The following RNF111 variants were observed in gnomAD, a reference collection of about 807,000 sequenced individuals.
The protein encoded by RNF111 is E3 ubiquitin-protein ligase Arkadia.
Under a neutral mutation model 95.1 loss-of-function variants are expected in RNF111, and 17 were observed. The observed-to-expected ratio is 0.18, with a 90% CI of 0.12 to 0.27. RNF111 has a LOEUF of 0.27. Among genes scored for constraint, RNF111 ranks in the 10% least tolerant of loss-of-function variants. The pLI, the probability that RNF111 is intolerant of heterozygous loss-of-function variation, is 1.00. For missense variants in RNF111, 1,189 were observed against 1,210.4 expected (o/e 0.98, Z 0.26); for synonymous variants, 440 against 414.8 (o/e 1.06, Z -0.74).
intron 1 of RNF111, among the ~76,000 whole-genome samples, chr15:59,024,348 G>A (rs1265464004): frequency 3.9e-5 from 6 of 152,104 alleles, no homozygotes. Flanking sequence ...TGCCTAGTAT[G>A]TGCGAGTCAA....
At chr15:59,051,051 A>G (rs1446094996) in intron 2 of RNF111, among the ~76,000 whole-genome samples, 1 of 152,220 alleles carries the variant, frequency 6.6e-6, no homozygotes, top group Non-Finnish European at 1.5e-5. Flanking sequence ...CAGTAATATA[A>G]AGAATATTAA....
intron 7 of RNF111, 63 bp downstream of exon 7, chr15:59,076,278 T>A: frequency 6.5e-7 from 1 of 1,542,208 alleles, no homozygotes; most frequent in Non-Finnish European, 8.8e-7. Context: ...TTGTACTTCC[T>A]TATGAAATAA....
In RNF111 at chr15:59,031,488, A is replaced by T. The variant is rs1326545179; in HGVS notation, c.666A>T (p.Ser222=). 6.2e-7 allele frequency: 1 copy of T among 1,614,172 alleles called. No individual in the cohort carries two copies. The highest frequency in any genetic ancestry group is 1.1e-5 in the South Asian group (1 of 91,080). Residue 222 remains serine (S), a synonymous_variant, in exon 2 of 14, where the codon TCA becomes TCT. Coordinates refer to ENST00000348370, the MANE Select transcript of RNF111 (RefSeq NM_017610.8). ...CRKRFVKNNS[S]QRTQKQKERI... ...AGAGATTTGTAAAAAATAATTCCTC[A>T]CAGAGGACACAGAAACAAAAAGAGA...
chr15:58,999,724 G>A (rs971102020), intron 1 of RNF111, among the ~76,000 whole-genome samples: 9 of 152,082 alleles, frequency 5.9e-5, no homozygotes, highest in African/African-American at 2.2e-4. Flanking sequence ...TTCTCACACT[G>A]CTATAAATAA....
chr15:59,071,498 C>T (rs1366689020), intron 6 of RNF111, among the ~76,000 whole-genome samples: 1 of 151,928 alleles, frequency 6.6e-6, no homozygotes, highest in Non-Finnish European at 1.5e-5. Context: ...CCCTGTGCAA[C>T]ATGGTGAAAC....
intron 7 of RNF111, among the ~76,000 whole-genome samples, chr15:59,077,589 A>C (rs2078603243): frequency 6.6e-6 from 1 of 152,212 alleles, no homozygotes; most frequent in Non-Finnish European, 1.5e-5. Flanking sequence ...TTTGCATATT[A>C]GCACATAAAA....
In RNF111 at chr15:58,994,888, AC is replaced by A. The variant is rs1349728502; in HGVS notation, c.-20+6822del. Reference sequence around the variant, plus strand: ...TTGTATTCTTTTGCGTTATCACTGCACCAGTTACAAAATTCAGAAAATTAAA... The same window carrying A: ...TTGTATTCTTTTGCGTTATCACTGCACAGTTACAAAATTCAGAAAATTAAA... On this transcript the variant is annotated intron_variant, in intron 1 of 13. Coordinates refer to ENST00000348370, the MANE Select transcript of RNF111 (RefSeq NM_017610.8). Among the ~76,000 whole-genome samples, 29 of 152,324 alleles carry A rather than the reference AC, an allele frequency of 1.9e-4. No homozygotes were observed. In the South Asian group the frequency reaches 3.5e-3, roughly 19 times the overall value.
intron 2 of RNF111, among the ~76,000 whole-genome samples, chr15:59,037,084 G>A (rs2041217534): frequency 6.6e-6 from 1 of 151,268 alleles, no homozygotes. Flanking sequence ...TGATGTGCCT[G>A]CCTCGGCCTC....
chr15:58,992,746 G>A (rs2038874848), intron 1 of RNF111, among the ~76,000 whole-genome samples: 1 of 152,180 alleles, frequency 6.6e-6, no homozygotes, highest in African/African-American at 2.4e-5. Context: ...CTTGAGCCCG[G>A]GAGGCAGAGG....
intron 1 of RNF111, among the ~76,000 whole-genome samples, chr15:58,999,215 G>A (rs2039219873): frequency 6.6e-6 from 1 of 152,274 alleles, no homozygotes; most frequent in East Asian, 1.9e-4. Context: ...TGACAATCCA[G>A]TTTTCTTCTG....
intron 1 of RNF111, among the ~76,000 whole-genome samples, chr15:59,008,376 C>T (rs1179262874): frequency 2.6e-5 from 4 of 151,944 alleles, no homozygotes; most frequent in African/African-American, 9.7e-5. Context: ...CACCACCATG[C>T]CTGACTAGTT....
At chr15:58,995,245 G>A (rs977891346) in intron 1 of RNF111, among the ~76,000 whole-genome samples, 2 of 152,266 alleles carry the variant, frequency 1.3e-5, no homozygotes, top group East Asian at 3.9e-4. Context: ...TGGTTGGAAA[G>A]TGTTTATTTT....
chr15:59,077,250 T>A (rs753533371), intron 7 of RNF111, among the ~76,000 whole-genome samples: 1 of 152,200 alleles, frequency 6.6e-6, no homozygotes, highest in Non-Finnish European at 1.5e-5. Flanking sequence ...TATGCTTAAT[T>A]TTCTGCCCCT....
chr15:59,062,834 C>G (rs192097301), intron 5 of RNF111, among the ~76,000 whole-genome samples: 3 of 152,184 alleles, frequency 2.0e-5, no homozygotes, highest in African/African-American at 7.2e-5. Context: ...CTTGGCACTA[C>G]TATTGACTTT....
In RNF111 at chr15:59,031,092, T is replaced by C; in HGVS notation, c.270T>C (p.Val90=). 1 of 1,614,166 alleles carries C rather than the reference T, an allele frequency of 6.2e-7. No individual in the cohort carries two copies. Among genetic ancestry groups the C allele is most frequent in the Non-Finnish European group, 8.5e-7 (1 of 1,180,010 alleles). ...GNQQEQEKSL[V]VRKKRKSQQA... is the part of the protein sequence containing the mutation. ...AGCAAGAACAAGAAAAAAGTCTCGT[T>C]GTGAGGAAAAAACGCAAAAGCCAGC... The change falls in exon 2 of 14, where the codon GTT becomes GTC. Residue 90 remains valine (V), a synonymous_variant. Coordinates refer to ENST00000348370, the MANE Select transcript of RNF111 (RefSeq NM_017610.8).
In RNF111 at chr15:59,031,749, T is replaced by A. The variant is rs1011261949; in HGVS notation, c.880+47T>A. On this transcript the variant is annotated intron_variant, in intron 2 of 13. Transcript: ENST00000348370. ...AAAACATGGAACCTATTGCATTGCA[T>A]TTGTGCTTAATTTTTTGTTTGTGTC... 5 of 1,524,338 alleles carry A rather than the reference T, an allele frequency of 3.3e-6. No individual in the cohort carries two copies. The East Asian group carries it at 9.1e-5, about 28-fold the overall frequency. The allele number at this position is 1,524,338 out of a possible 1,614,324, so 94.4% of individuals were successfully genotyped here.
In RNF111 at chr15:59,095,008, T is replaced by TA. The variant is rs2079153993; in HGVS notation, c.*109dup. ...TGCGCAGATTTGGAAGCATTGAACTTAGAGTGCTGGCTCTGCTATATGGTA... is the reference window on the plus strand; with the variant it reads ...TGCGCAGATTTGGAAGCATTGAACTTAAGAGTGCTGGCTCTGCTATATGGTA... On this transcript the variant is annotated 3_prime_UTR_variant, in exon 14 of 14. Coordinates refer to ENST00000348370, the MANE Select transcript of RNF111 (RefSeq NM_017610.8). 6 of 763,672 alleles carry TA rather than the reference T, an allele frequency of 7.9e-6. No individual in the cohort carries two copies. Among genetic ancestry groups the TA allele is most frequent in the South Asian group, 7.2e-5 (5 of 69,798 alleles). 47.3% of individuals were successfully genotyped at this position (763,672 alleles called of 1,614,324 possible).
At chr15:59,050,050 ATTTTC>A (rs1465436631) in intron 2 of RNF111, among the ~76,000 whole-genome samples, 1 of 138,250 alleles carries the variant, frequency 7.2e-6, no homozygotes, top group Non-Finnish European at 1.6e-5. Flanking sequence ...CACAGTAGCC[ATTTTC>A]TTTTCTTTTT....
chr15:59,025,465 A>G (rs2040555178), intron 1 of RNF111, among the ~76,000 whole-genome samples: 1 of 152,204 alleles, frequency 6.6e-6, no homozygotes, highest in African/African-American at 2.4e-5. Flanking sequence ...TGTATTATCT[A>G]GATATGAGTA....
Sources: allele counts gnomAD v4.1 joint callset (sites outside exome capture counted in the v4.1 genomes callset), GRCh38; gene constraint gnomAD v4.1.1; transcripts MANE v1.5; gene names NCBI Gene and HGNC (gene_info 2026-07-23, HGNC 2026-07-21).